The following MRE11 variants were observed in gnomAD, a reference collection of about 807,000 sequenced individuals.
MRE11 encodes the protein MRE11 double strand break repair nuclease, also known as double-strand break repair protein MRE11.
MRE11 carries 62 observed loss-of-function variants against 91.7 expected under a neutral mutation model. That is an observed-to-expected ratio of 0.68 (90% CI 0.55 to 0.84). The LOEUF (loss-of-function observed/expected upper bound fraction) is 0.84. Ranked by LOEUF, MRE11 falls within the 40% of genes least tolerant of loss-of-function variation. The pLI is 0.00. For missense variants in MRE11, 796 were observed against 852.9 expected, an observed-to-expected ratio of 0.93 and a Z score of 0.83; for synonymous variants, 273 against 271.4, an observed-to-expected ratio of 1.01 and a Z score of -0.06.
intron 2 of MRE11, 71 bp from the exon 3 acceptor site, chr11:94,491,036 A>T (rs899288685): frequency 3.2e-6 from 3 of 937,532 alleles, no homozygotes; most frequent in African/African-American, 3.3e-5. Context: ...AAATTGAGAC[A>T]AACTTATAAA....
rs762243843 is a variant in MRE11, at chr11:94,467,929, T to TA, written c.1018-37dup. On this transcript the variant is annotated intron_variant, in intron 9 of 19. Transcript: ENST00000323929. ...TTAAAAAGATTAAAAAACAACGTAG[T>TA]AAACTGAGTTTAACTTGGCTGAATA... is the stretch of plus-strand genomic sequence containing the variant. 6 of 1,554,754 alleles carry TA rather than the reference T, an allele frequency of 3.9e-6. 1 individual carries two copies. The highest frequency in any genetic ancestry group is 3.3e-5 in the South Asian group (3 of 89,730).
chr11:94,494,186 C>T (rs1947373664), upstream of MRE11: 1 of 152,206 alleles, frequency 6.6e-6, no homozygotes, highest in Non-Finnish European at 1.5e-5. Flanking sequence ...ACCGAAGCCG[C>T]TTCTCCGCTC....
At chr11:94,502,995 T>C in the MRE11 span, among the ~76,000 whole-genome samples, 2 of 152,134 alleles carry the variant, frequency 1.3e-5, no homozygotes, top group African/African-American at 4.8e-5. Context: ...TTAATTATAT[T>C]CCCCTTCCAT....
At chr11:94,506,650 G>A in the MRE11 span, among the ~76,000 whole-genome samples, 1 of 150,398 alleles carries the variant, frequency 6.6e-6, no homozygotes, top group Non-Finnish European at 1.5e-5. Flanking sequence ...GTGCAGTGGT[G>A]CGATCATGAC....
At position 94,444,960 on chromosome 11, in the gene MRE11, T is replaced by C. The variant is rs13447708; in HGVS notation, c.1867+850A>G. 2.6e-3 allele frequency among the ~76,000 whole-genome samples: 396 copies of C among 152,312 alleles called. 1 individual carries two copies. The highest frequency in any genetic ancestry group is 4.0e-3 in the Non-Finnish European group (271 of 68,020). On this transcript the variant is annotated intron_variant, in intron 16 of 19. Transcript: ENST00000323929. ...TATCACCACCTATCTTAATGCATAC[T>C]TTTTGTAAATATGACTAACATTTTA...
chr11:94,459,123 A>T (rs1323760917), intron 13 of MRE11, among the ~76,000 whole-genome samples: 1 of 152,226 alleles, frequency 6.6e-6, no homozygotes, highest in Non-Finnish European at 1.5e-5. Flanking sequence ...ATGAACAAAA[A>T]TTACCATCCT....
intron 13 of MRE11, among the ~76,000 whole-genome samples, chr11:94,457,794 A>G (rs569191392): frequency 6.6e-6 from 1 of 152,100 alleles, no homozygotes; most frequent in East Asian, 1.9e-4. Context: ...TACACAGCTA[A>G]TAAGGGTTTT....
At chr11:94,503,789 T>G in the MRE11 span, among the ~76,000 whole-genome samples, 1 of 132,090 alleles carries the variant, frequency 7.6e-6, no homozygotes, top group East Asian at 2.4e-4. Flanking sequence ...ATCCCGCCAC[T>G]GCACTCCAGC....
At position 94,435,819 on chromosome 11, in the gene MRE11, T is replaced by C. The variant is rs780362027; in HGVS notation, c.1994+13A>G. On this transcript the variant is annotated intron_variant, in intron 18 of 19. Transcript: ENST00000323929. Reference sequence around the variant, plus strand: ...TTTCAGATGTTTCTTTTGCAGAAAATCACTGCACCTACCTTTGATCTGTCT... The same window carrying C: ...TTTCAGATGTTTCTTTTGCAGAAAACCACTGCACCTACCTTTGATCTGTCT... The C allele has an allele frequency of 1.2e-6, 2 of 1,608,956 alleles. No homozygotes were observed. Among genetic ancestry groups the C allele is most frequent in the Non-Finnish European group, 1.7e-6 (2 of 1,175,700 alleles).
chr11:94,453,398 G>A (rs1946165344), intron 14 of MRE11, among the ~76,000 whole-genome samples: 2 of 152,138 alleles, frequency 1.3e-5, no homozygotes, highest in African/African-American at 2.4e-5. Flanking sequence ...AACTGCTATC[G>A]TTTTCCTCAG....
At chr11:94,502,726 T>G in the MRE11 span, among the ~76,000 whole-genome samples, 2 of 152,184 alleles carry the variant, frequency 1.3e-5, no homozygotes, top group Non-Finnish European at 2.9e-5. Flanking sequence ...CAGGCTAGAG[T>G]GCACTGGCAT....
chr11:94,450,735 CCTG>C (rs1435536991), intron 14 of MRE11, among the ~76,000 whole-genome samples: 1 of 151,942 alleles, frequency 6.6e-6, no homozygotes, highest in Non-Finnish European at 1.5e-5. Flanking sequence ...AAGCCTATAG[CCTG>C]CTAAGAATAA....
chr11:94,479,279 A>G (rs939076710), intron 5 of MRE11, among the ~76,000 whole-genome samples: 3 of 152,214 alleles, frequency 2.0e-5, no homozygotes, highest in African/African-American at 7.2e-5. Flanking sequence ...CTCTAGTCTT[A>G]CTTCCATATC....
rs780964088 is a variant in MRE11 at position 94,470,665 on chromosome 11, C to G, written c.846-23G>C. ...TGTCTGAAGTGGAGAGAAATGAACA[C>G]CGAGTCACAGTGTAAATTTCCTCAG... is the stretch of plus-strand genomic sequence containing the variant. On this transcript the variant is annotated intron_variant, in intron 8 of 19. Coordinates refer to ENST00000323929, the MANE Select transcript of MRE11 (RefSeq NM_005591.4). The G allele has an allele frequency of 3.1e-6, 5 of 1,611,744 alleles. No homozygotes were observed. In the South Asian group the frequency reaches 5.5e-5, roughly 18 times the overall value.
rs12273278 is a variant in MRE11 at position 94,472,282 on chromosome 11, A to C, written c.660-523T>G. Among the ~76,000 whole-genome samples, 1,126 of 152,196 alleles carry C rather than the reference A, an allele frequency of 7.4e-3. 12 individuals are homozygous for C. The highest frequency in any genetic ancestry group is 0.025 in the African/African-American group (1,029 of 41,552). On this transcript the variant is annotated intron_variant, in intron 7 of 19. Coordinates refer to ENST00000323929, the MANE Select transcript of MRE11 (RefSeq NM_005591.4). ...AAACAAGTGATATGCAAACTATGGT[A>C]TTATACCTATATCAGTTATTATTTA...
At position 94,419,107 on chromosome 11, in the gene MRE11, C is replaced by T. The variant is rs1436663357; in HGVS notation, c.*1018G>A. 1 of 232,132 alleles carries T rather than the reference C, an allele frequency of 4.3e-6. No individual in the cohort carries two copies. Among genetic ancestry groups the T allele is most frequent in the African/African-American group, 2.2e-5 (1 of 45,262 alleles). The allele number at this position is 232,132 out of a possible 1,614,324, so 14.4% of individuals were successfully genotyped here. A position where few individuals can be genotyped will look rare whatever the true frequency, so the allele number is the denominator to read the frequency against. Reference sequence around the variant, plus strand: ...GATTATAAAGAATGGGATTATTTAACTTAAATCTGAAGATGTCTAATTCTT... The same window carrying T: ...GATTATAAAGAATGGGATTATTTAATTTAAATCTGAAGATGTCTAATTCTT... On this transcript the variant is annotated 3_prime_UTR_variant, in exon 20 of 20. Transcript: ENST00000323929.
At chr11:94,441,814 TA>T (rs1197888278) in intron 16 of MRE11, among the ~76,000 whole-genome samples, 1 of 151,512 alleles carries the variant, frequency 6.6e-6, no homozygotes, top group Non-Finnish European at 1.5e-5. Flanking sequence ...GTGTCTCTAC[TA>T]AAAATACAAA....
At chr11:94,483,307 T>C (rs1405003819) in intron 4 of MRE11, among the ~76,000 whole-genome samples, 16 of 152,046 alleles carry the variant, frequency 1.1e-4, no homozygotes, top group Admixed American at 1.0e-3. Flanking sequence ...CTACCAAAAA[T>C]AATTTCTTAA....
rs775280657 is a variant in MRE11 at position 94,486,089 on chromosome 11, T to C, written c.154-5A>G. The C allele has an allele frequency of 6.2e-7, 1 of 1,613,472 alleles. No homozygotes were observed. The highest frequency in any genetic ancestry group is 8.5e-7 in the Non-Finnish European group (1 of 1,179,764). ...ACCTAACAAAATAAAATCCACCTGA[T>C]CAACAGAAAAAGGTGTTAAAATTAG... On this transcript the variant is annotated splice_region_variant and splice_polypyrimidine_tract_variant and intron_variant, in intron 3 of 19. Coordinates refer to ENST00000323929, the MANE Select transcript of MRE11 (RefSeq NM_005591.4).
Sources: gnomAD v4.1 joint callset for allele counts (sites outside exome capture counted in the v4.1 genomes callset) on GRCh38, gnomAD v4.1.1 for gene constraint, MANE v1.5 for transcripts, NCBI Gene and HGNC (gene_info 2026-07-23, HGNC 2026-07-21) for gene names.